The following NRDC variants were observed in gnomAD, a reference collection of about 807,000 sequenced individuals.
NRDC encodes the protein nardilysin convertase.
NRDC carries 54 observed loss-of-function variants against 147.1 expected under a neutral mutation model. The observed-to-expected ratio is 0.37, with a 90% confidence interval of 0.29 to 0.46. The LOEUF (loss-of-function observed/expected upper bound fraction) is 0.46. NRDC is among the 20% of genes least tolerant of loss of function. The pLI is 1.00. For missense variants in NRDC, 1,082 were observed against 1,370.6 expected, an observed-to-expected ratio of 0.79 and a Z score of 3.33; for synonymous variants, 440 against 482.1, an observed-to-expected ratio of 0.91 and a Z score of 1.14.
chr1:51,825,997 C>T (rs1680428256), intron 5 of NRDC, among the ~76,000 whole-genome samples: 1 of 152,202 alleles, frequency 6.6e-6, no homozygotes, highest in Non-Finnish European at 1.5e-5. Flanking sequence ...CAGAGTGCTC[C>T]CTTGCCCCTT....
At chr1:51,875,483 T>C (rs1455344481) in intron 1 of NRDC, among the ~76,000 whole-genome samples, 1 of 152,232 alleles carries the variant, frequency 6.6e-6, no homozygotes, top group Non-Finnish European at 1.5e-5. Flanking sequence ...CCCGGTGGAA[T>C]TTATCAATGT....
At chr1:51,805,470 C>T in intron 19 of NRDC, 40 bp downstream of exon 19, 1 of 1,437,726 alleles carries the variant, frequency 7.0e-7, no homozygotes, top group Non-Finnish European at 9.5e-7. Flanking sequence ...TTTTCAATAA[C>T]TAAAAAATGT....
chr1:51,835,044 T>A (rs1261371230), intron 3 of NRDC, among the ~76,000 whole-genome samples: 1 of 152,138 alleles, frequency 6.6e-6, no homozygotes, highest in African/African-American at 2.4e-5. Flanking sequence ...CTATATAACA[T>A]CCACATAGAG....
chr1:51,857,224 C>T (rs934986476), intron 1 of NRDC, among the ~76,000 whole-genome samples: 3 of 152,212 alleles, frequency 2.0e-5, no homozygotes, highest in Non-Finnish European at 4.4e-5. Context: ...GTGCTAATTA[C>T]CGAGTTTCAG....
intron 1 of NRDC, among the ~76,000 whole-genome samples, chr1:51,871,826 A>G (rs1263186599): frequency 6.6e-6 from 1 of 152,086 alleles, no homozygotes; most frequent in African/African-American, 2.4e-5. Context: ...AAAGCAAAAG[A>G]GCTTTTACCA....
rs145549813 is a variant in NRDC at position 51,878,346 on chromosome 1, T to C, written c.270A>G (p.Gly90=). Residue 90 remains glycine (G), a synonymous_variant, in exon 1 of 31, where the codon GGA becomes GGG. Coordinates refer to ENST00000352171, the MANE Select transcript of NRDC (RefSeq NM_001101662.2). ...RLGADESEEE[G]RRGSLSNAGD... ...CAGCATTACTGAGAGACCCCCTCCG[T>C]CCCTCTTCCTCAGATTCATCCGCTC... 1.2e-6 allele frequency: 2 copies of C among 1,614,128 alleles called. No individual in the cohort carries two copies. The highest frequency in any genetic ancestry group is 1.7e-6 in the Non-Finnish European group (2 of 1,180,024).
At chr1:51,794,922 A>G in intron 22 of NRDC, 68 bp from the exon 23 acceptor site, 1 of 1,603,766 alleles carries the variant, frequency 6.2e-7, no homozygotes, top group East Asian at 2.2e-5. Flanking sequence ...ATCAGCTAAT[A>G]TCAATGTTCC....
chr1:51,829,965 C>CTTTTTTTTTT (rs941972546), intron 4 of NRDC, among the ~76,000 whole-genome samples: 6 of 131,250 alleles, frequency 4.6e-5, no homozygotes, highest in South Asian at 2.4e-4. Flanking sequence ...TCTTTTATTT[C>CTTTTTTTTTT]TTTTTTTTTT....
intron 2 of NRDC, chr1:51,837,502 A>G (rs1375370748): frequency 4.4e-6 from 7 of 1,589,996 alleles, no homozygotes; most frequent in Non-Finnish European, 6.0e-6. Flanking sequence ...TTCAGCTCCA[A>G]CTACCCCATA....
In NRDC at chr1:51,836,201, A is replaced by G; in HGVS notation, c.642T>C (p.Ala214=). ...KKTTEKQSAA[A]LCVGVGSFAD... The stretch of plus-strand genomic sequence containing the variant: ...CGAAACTCCCAACTCCAACACAAAG[A>G]GCCGCTGCAGACTGGAGTAATTAGA... The change falls in exon 3 of 31, where the codon GCT becomes GCC. Residue 214 remains alanine (A), a synonymous_variant. Transcript: ENST00000352171. 1 of 1,614,158 alleles carries G rather than the reference A, an allele frequency of 6.2e-7. No homozygotes were observed. The highest frequency in any genetic ancestry group is 8.5e-7 in the Non-Finnish European group (1 of 1,179,992).
intron 29 of NRDC, 128 bp from the exon 30 acceptor site, chr1:51,789,785 GT>G: frequency 1.5e-6 from 1 of 675,024 alleles, no homozygotes; most frequent in South Asian, 1.8e-5. Context: ...CTATTCTCAG[GT>G]TACCCCTAAC....
rs1450132877 is a variant in NRDC at position 51,803,866 on chromosome 1, G to A, written c.2261C>T (p.Ala754Val). 6.2e-7 allele frequency: 1 copy of A among 1,613,826 alleles called. No homozygotes were observed. The highest frequency in any genetic ancestry group is 2.2e-5 in the East Asian group (1 of 44,856). The part of the protein sequence containing the change: ...DVAQLEYKLV[A>V]GEHGLIIRVK... ...TCGAATAATTAAACCATGTTCTCCA[G>A]CTACCAGTTTATACTCCAGCTGTGC... The change falls in exon 20 of 31, where the codon GCT (alanine) becomes GTT (valine). Residue 754 changes from alanine to valine, a missense_variant. Coordinates refer to ENST00000352171, the MANE Select transcript of NRDC (RefSeq NM_001101662.2).
intron 1 of NRDC, among the ~76,000 whole-genome samples, chr1:51,867,236 G>C (rs983782436): frequency 1.3e-5 from 2 of 152,156 alleles, no homozygotes; most frequent in African/African-American, 2.4e-5. Flanking sequence ...AGCCAAAGGA[G>C]AAAAGGAAGA....
chr1:51,823,816 TA>T, intron 6 of NRDC, 30 bp from the exon 7 acceptor site: 1 of 1,516,090 alleles, frequency 6.6e-7, no homozygotes, highest in Non-Finnish European at 9.0e-7. Context: ...ATTATAGATA[TA>T]ACTAAGTTAA....
intron 4 of NRDC, among the ~76,000 whole-genome samples, chr1:51,832,808 A>C (rs1158560484): frequency 6.6e-6 from 1 of 152,190 alleles, no homozygotes; most frequent in Admixed American, 6.5e-5. Context: ...CTTAGAACTT[A>C]ATAGAAATAA....
chr1:51,792,352 C>T (rs1678695801), intron 25 of NRDC, 25 bp downstream of exon 25: 2 of 1,611,398 alleles, frequency 1.2e-6, no homozygotes, highest in Non-Finnish European at 1.7e-6. Flanking sequence ...TGCTGAAAAC[C>T]TCAGCATCTC....
At chr1:51,870,991 A>G (rs951515065) in intron 1 of NRDC, among the ~76,000 whole-genome samples, 10 of 151,904 alleles carry the variant, frequency 6.6e-5, no homozygotes, top group African/African-American at 2.4e-4. Context: ...TTCCCCTTTA[A>G]AACCAAACAA....
At chr1:51,845,815 A>C (rs1447330159) in intron 1 of NRDC, among the ~76,000 whole-genome samples, 7 of 152,222 alleles carry the variant, frequency 4.6e-5, no homozygotes, top group East Asian at 3.8e-4. Context: ...TCCTGGGACA[A>C]CACCAGGCAT....
intron 1 of NRDC, among the ~76,000 whole-genome samples, chr1:51,866,055 CA>C (rs1163450168): frequency 2.6e-4 from 37 of 141,700 alleles, no homozygotes; most frequent in Non-Finnish European, 3.3e-4. Context: ...GACTCCATCT[CA>C]AAAAAAAAAA....
Sources: allele counts gnomAD v4.1 joint callset (sites outside exome capture counted in the v4.1 genomes callset), GRCh38; gene constraint gnomAD v4.1.1; transcripts MANE v1.5; gene names NCBI Gene and HGNC (gene_info 2026-07-23, HGNC 2026-07-21).